RUNX3: variants seen among roughly 807,000 people sequenced by gnomAD.
RUNX3 encodes the protein RUNX family transcription factor 3.
Under a neutral mutation model 27.7 loss-of-function variants are expected in RUNX3, and 10 were observed. The ratio of observed to expected loss-of-function variants is 0.36; its 90% CI spans 0.22 to 0.61. RUNX3 has a LOEUF of 0.61. Ranked by LOEUF, RUNX3 falls within the 20% of genes least tolerant of loss-of-function variation. RUNX3 has a pLI of 0.72. For missense variants in RUNX3, 469 were observed against 629.5 expected (o/e 0.75, Z 2.73); for synonymous variants, 270 against 269.2 (o/e 1.00, Z -0.03).
At chr1:24,911,791 C>T (rs1640801687) in intron 3 of RUNX3, among the ~76,000 whole-genome samples, 1 of 152,216 alleles carries the variant, frequency 6.6e-6, no homozygotes, top group Non-Finnish European at 1.5e-5. Context: ...GAGGCTTCAC[C>T]ATGAGACCGA....
rs543009960 is a variant in RUNX3, at chr1:24,899,620, A to G, written c.*2502T>C. On this transcript the variant is annotated 3_prime_UTR_variant, in exon 5 of 5. Transcript: ENST00000308873. The stretch of plus-strand genomic sequence containing the variant: ...ACTGTACAAGCAAGTTGTGCGTTAA[A>G]AACAAACACCAAGCAAACGATAGTG... 15 of 152,838 alleles carry G rather than the reference A, an allele frequency of 9.8e-5. No homozygotes were observed. Among genetic ancestry groups the G allele is most frequent in the African/African-American group, 3.1e-4 (13 of 41,560 alleles). The allele number at this position is 152,838 out of a possible 1,614,324, so 9.5% of individuals were successfully genotyped here. A position where few individuals can be genotyped will look rare whatever the true frequency, so the allele number is the denominator to read the frequency against.
intron 2 of RUNX3, among the ~76,000 whole-genome samples, chr1:24,953,643 C>T (rs942971938): frequency 7.2e-5 from 11 of 152,114 alleles, no homozygotes; most frequent in Admixed American, 1.3e-4. Context: ...GGGACGGTGC[C>T]GTTCTAGATT....
chr1:24,909,000 C>T (rs546559121), intron 3 of RUNX3, among the ~76,000 whole-genome samples: 3 of 152,286 alleles, frequency 2.0e-5, no homozygotes, highest in East Asian at 1.9e-4. Flanking sequence ...GGTCAGGGGA[C>T]GAGATGTCAC....
chr1:24,957,956 G>A (rs1189896938), intron 2 of RUNX3, among the ~76,000 whole-genome samples: 1 of 152,232 alleles, frequency 6.6e-6, no homozygotes, highest in Non-Finnish European at 1.5e-5. Flanking sequence ...CATTGACAAG[G>A]GGTCTGACAG....
upstream of RUNX3, among the ~76,000 whole-genome samples, chr1:24,932,927 A>G (rs1331371400): frequency 2.0e-5 from 3 of 151,866 alleles, no homozygotes; most frequent in Non-Finnish European, 4.4e-5. Context: ...AGGTCAGGAC[A>G]CTCCCCTACC....
chr1:24,920,395 G>A (rs1259750874), intron 2 of RUNX3, among the ~76,000 whole-genome samples: 3 of 152,064 alleles, frequency 2.0e-5, no homozygotes, highest in Non-Finnish European at 2.9e-5. Flanking sequence ...ATGACTCTCC[G>A]GAGAGATTTA....
intron 2 of RUNX3, among the ~76,000 whole-genome samples, chr1:24,954,998 T>A (rs1641879089): frequency 6.6e-6 from 1 of 152,070 alleles, no homozygotes; most frequent in African/African-American, 2.4e-5. Context: ...TTCCTCAGTC[T>A]CCTCTCCCTC....
chr1:24,933,586 G>GT (rs2124319302), upstream of RUNX3, among the ~76,000 whole-genome samples: 1 of 152,302 alleles, frequency 6.6e-6, no homozygotes, highest in South Asian at 2.1e-4. Context: ...CCTGGGGGAG[G>GT]TAAGGACTGG....
rs1641186711 is a variant in RUNX3, at chr1:24,930,039, C to T, written c.-171G>A. 6.1e-6 allele frequency: 6 copies of T among 981,158 alleles called. No individual in the cohort carries two copies. The highest frequency in any genetic ancestry group is 1.2e-6 in the Non-Finnish European group (1 of 828,334). The allele number at this position is 981,158 out of a possible 1,614,324, so 60.8% of individuals were successfully genotyped here. The stretch of plus-strand genomic sequence containing the variant: ...GCGCCCGGCCACTACTCGCCAGGGC[C>T]CGCCCGCTGCGAGGCCTCGCTGGCC... On this transcript the variant is annotated 5_prime_UTR_variant, in exon 1 of 5. Transcript: ENST00000308873. The surrounding 1 kb of genome is among the most constrained non-coding windows in gnomAD (Gnocchi z 4.1).
chr1:24,942,197 G>A (rs1263362824), intron 2 of RUNX3, among the ~76,000 whole-genome samples: 1 of 152,136 alleles, frequency 6.6e-6, no homozygotes, highest in East Asian at 1.9e-4. Context: ...AGATGGAAAG[G>A]AAAAGGAGAA....
intron 2 of RUNX3, among the ~76,000 whole-genome samples, chr1:24,937,989 G>A (rs1267223736): frequency 2.6e-5 from 4 of 152,118 alleles, no homozygotes; most frequent in African/African-American, 4.8e-5. Flanking sequence ...ACTCTTTCAC[G>A]CTGCAGTTTT....
Position 24,929,858 on chromosome 1 carries a change from G to A in RUNX3, c.11C>T (p.Pro4Leu), listed in dbSNP as rs1214828632. The A allele has an allele frequency of 7.4e-7, 1 of 1,356,904 alleles. No individual in the cohort carries two copies. The highest frequency in any genetic ancestry group is 9.4e-7 in the Non-Finnish European group (1 of 1,063,538). The allele number at this position is 1,356,904 out of a possible 1,614,324, so 84.1% of individuals were successfully genotyped here. The change falls in exon 1 of 5, where the codon CCC (proline) becomes CTC (leucine). Residue 4 changes from proline to leucine, a missense_variant. Around this residue, in one of 3 missense-constraint regions of RUNX3, gnomAD observed 115 missense variants for 118.0 expected, o/e 0.97. Coordinates refer to ENST00000308873, the MANE Select transcript of RUNX3 (RefSeq NM_004350.3). ...GCGGCGGCTGGTGCTTGGGTCTACG[G>A]GAATACGCATAACAGCGGCCGTCAG... is the stretch of plus-strand genomic sequence containing the variant. MRI[P>L]VDPSTSRRFT...
chr1:24,956,374 C>T (rs1241279656), intron 2 of RUNX3, among the ~76,000 whole-genome samples: 2 of 152,236 alleles, frequency 1.3e-5, no homozygotes, highest in African/African-American at 4.8e-5. Context: ...AGGTTACCTG[C>T]CATCATGGCG....
intron 4 of RUNX3, among the ~76,000 whole-genome samples, chr1:24,903,564 C>G (rs1571299329): frequency 6.6e-6 from 1 of 152,304 alleles, no homozygotes; most frequent in East Asian, 1.9e-4. Flanking sequence ...CTTTTGTCAT[C>G]ACAGACCCCC....
Position 24,919,233 on chromosome 1 carries a change from C to A in RUNX3, c.544+7G>T. 1 of 1,579,906 alleles carries A rather than the reference C, an allele frequency of 6.3e-7. No homozygotes were observed. The highest frequency in any genetic ancestry group is 2.4e-5 in the East Asian group (1 of 42,542). On this transcript the variant is annotated splice_region_variant and intron_variant, in intron 3 of 4. Transcript: ENST00000308873. ...CGCAGGGGCTCAGGGGGCTCGGTGGCACTTACGTCTGGGCTCCCGGGGTCC... is the reference window on the plus strand; with the variant it reads ...CGCAGGGGCTCAGGGGGCTCGGTGGAACTTACGTCTGGGCTCCCGGGGTCC...
chr1:24,951,788 T>C (rs1437425313), intron 2 of RUNX3, among the ~76,000 whole-genome samples: 1 of 152,204 alleles, frequency 6.6e-6, no homozygotes, highest in Non-Finnish European at 1.5e-5. Context: ...GCAGATGCCT[T>C]AATCTCTCTG....
At position 24,943,107 on chromosome 1, in the gene RUNX3, C is replaced by T. The variant is rs994120536; in HGVS notation, c.59-13255G>A. 6.6e-6 allele frequency among the ~76,000 whole-genome samples: 1 copy of T among 152,262 alleles called. No individual in the cohort carries two copies. Among genetic ancestry groups the T allele is most frequent in the African/African-American group, 2.4e-5 (1 of 41,468 alleles). Reference sequence around the variant, plus strand: ...CGAGCCGGGTGTCATTGATCTTGCCCGGTGTTCCAGCCACCAGGCGGGACC... The same window carrying T: ...CGAGCCGGGTGTCATTGATCTTGCCTGGTGTTCCAGCCACCAGGCGGGACC... On this transcript the variant is annotated intron_variant, in intron 2 of 6. Transcript: ENST00000338888. This position sits in a 1 kb window ranked among gnomAD's most constrained non-coding sequence, Gnocchi z 4.6.
intron 2 of RUNX3, among the ~76,000 whole-genome samples, chr1:24,963,359 A>T (rs563650134): frequency 4.5e-4 from 68 of 152,318 alleles, no homozygotes; most frequent in African/African-American, 1.6e-3. Context: ...GCTGGAGGGT[A>T]GGCAGGCAGG....
upstream of RUNX3, among the ~76,000 whole-genome samples, chr1:24,933,808 A>G (rs1312059862): frequency 1.3e-5 from 2 of 152,126 alleles, no homozygotes; most frequent in African/African-American, 4.8e-5. Flanking sequence ...TTTCCTTCCC[A>G]GGAGGCCTCT....
Sources: allele counts gnomAD v4.1 joint callset (sites outside exome capture counted in the v4.1 genomes callset), GRCh38; gene constraint gnomAD v4.1.1; regional missense constraint gnomAD v4.1.1; non-coding constraint Gnocchi (gnomAD v3.1); transcripts MANE v1.5; gene names NCBI Gene and HGNC (gene_info 2026-07-23, HGNC 2026-07-21).